The following LIPI variants were observed in gnomAD, a reference collection of about 807,000 sequenced individuals.
LIPI encodes lipase I.
In LIPI, 59 loss-of-function variants were observed where a neutral mutation model predicts 50.6. The observed-to-expected ratio is 1.16, with a 90% CI of 0.94 to 1.45. The LOEUF is 1.45. LIPI is among the 40% of genes most tolerant of loss of function. The pLI is 0.00. For missense variants in LIPI, 586 were observed against 536.3 expected (o/e 1.09, Z -0.92); for synonymous variants, 203 against 178.2 (o/e 1.14, Z -1.11).
At chr21:14,110,986 C>T (rs2123291303) in intron 9 of LIPI, among the ~76,000 whole-genome samples, 1 of 149,040 alleles carries the variant, frequency 6.7e-6, no homozygotes, top group East Asian at 2.0e-4. Context: ...CAGCTTCATC[C>T]ACTATTGAAA....
chr21:14,204,395 A>T (rs1023194915), intron 1 of LIPI, among the ~76,000 whole-genome samples: 3 of 152,120 alleles, frequency 2.0e-5, no homozygotes, highest in East Asian at 3.9e-4. Flanking sequence ...AGAAATTTTT[A>T]AAAATACAGT....
At position 14,163,401 on chromosome 21, in the gene LIPI, AAATTGTT is replaced by A. The variant is rs1294899867; in HGVS notation, c.1006+11_1006+17del. ...AAACTAAAAATTTGTTTATTTGTTA[AAATTGTT>A]AATAACTTACTACAGAATGGATATG... On this transcript the variant is annotated intron_variant, in intron 7 of 9. Coordinates refer to ENST00000681601, the MANE Select transcript of LIPI (RefSeq NM_001302998.2). The A allele has an allele frequency of 3.4e-6, 4 of 1,176,564 alleles. No homozygotes were observed. Among genetic ancestry groups the A allele is most frequent in the Non-Finnish European group, 5.1e-6 (4 of 782,572 alleles). The allele number at this position is 1,176,564 out of a possible 1,614,324, so 72.9% of individuals were successfully genotyped here.
intron 9 of LIPI, among the ~76,000 whole-genome samples, chr21:14,143,187 G>A (rs2017777031): frequency 6.6e-6 from 1 of 152,114 alleles, no homozygotes; most frequent in Non-Finnish European, 1.5e-5. Flanking sequence ...AACAGATACA[G>A]AGATTAGTTG....
intron 1 of LIPI, among the ~76,000 whole-genome samples, chr21:14,201,831 G>A (rs1219884495): frequency 2.0e-5 from 3 of 152,134 alleles, no homozygotes; most frequent in Non-Finnish European, 4.4e-5. Context: ...GGAAGTTCTG[G>A]CCAGGGCAAT....
At chr21:14,127,224 C>A (rs543270985) in intron 9 of LIPI, among the ~76,000 whole-genome samples, 1 of 152,308 alleles carries the variant, frequency 6.6e-6, no homozygotes, top group African/African-American at 2.4e-5. Flanking sequence ...ATTTTTATAA[C>A]TCACATTCCC....
intron 4 of LIPI, among the ~76,000 whole-genome samples, chr21:14,171,019 T>G (rs1255586318): frequency 2.0e-5 from 3 of 151,106 alleles, no homozygotes; most frequent in Admixed American, 6.6e-5. Flanking sequence ...CAGCAAAGTC[T>G]CAGGATACAA....
intron 1 of LIPI, chr21:14,207,022 T>C (rs906199128): frequency 3.7e-6 from 3 of 820,452 alleles, no homozygotes; most frequent in South Asian, 2.7e-5. Context: ...TACGAAACAA[T>C]TGACCCACTT....
chr21:14,108,911 T>C lies in LIPI; in HGVS notation c.*82A>G, dbSNP rs1157520890. ...AATACTTGAATCTCAAATTGAACAG[T>C]GCATTATAAAAGACTGATTGCATTG... On this transcript the variant is annotated 3_prime_UTR_variant, in exon 10 of 10. Transcript: ENST00000681601. 6.5e-7 allele frequency: 1 copy of C among 1,537,452 alleles called. No individual in the cohort carries two copies. Among genetic ancestry groups the C allele is most frequent in the Non-Finnish European group, 9.0e-7 (1 of 1,114,350 alleles).
chr21:14,155,696 C>A (rs946552342), intron 7 of LIPI, among the ~76,000 whole-genome samples: 1 of 151,910 alleles, frequency 6.6e-6, no homozygotes, highest in Admixed American at 6.6e-5. Flanking sequence ...GAAAATACTG[C>A]CAACCTCAAA....
At chr21:14,149,737 T>G (rs1351121546) in intron 8 of LIPI, among the ~76,000 whole-genome samples, 1 of 152,114 alleles carries the variant, frequency 6.6e-6, no homozygotes, top group African/African-American at 2.4e-5. Context: ...GGGCAGTCAT[T>G]AAACCCTAAA....
chr21:14,130,784 G>A (rs907803206), intron 9 of LIPI, among the ~76,000 whole-genome samples: 4 of 149,292 alleles, frequency 2.7e-5, no homozygotes, highest in Admixed American at 6.7e-5. Context: ...CTGTGGGACT[G>A]AGGTCTAGCC....
intron 8 of LIPI, among the ~76,000 whole-genome samples, chr21:14,146,772 ATTTTTTTTTTTTT>A (rs3048482): frequency 1.4e-5 from 1 of 73,372 alleles, no homozygotes; most frequent in African/African-American, 6.1e-5. Flanking sequence ...CCCAGTCTCT[ATTTTTTTTTTTTT>A]TTTTTTTTTT....
At chr21:14,115,769 G>T (rs901569888) in intron 9 of LIPI, among the ~76,000 whole-genome samples, 4 of 152,142 alleles carry the variant, frequency 2.6e-5, no homozygotes, top group Non-Finnish European at 5.9e-5. Flanking sequence ...CCAAGGTAAG[G>T]TTGGTCCCTA....
At chr21:14,115,686 C>T (rs552148995) in intron 9 of LIPI, among the ~76,000 whole-genome samples, 1 of 152,244 alleles carries the variant, frequency 6.6e-6, no homozygotes, top group South Asian at 2.1e-4. Context: ...GGAGCCTTCC[C>T]TTGACAGTGC....
chr21:14,111,259 T>C (rs79490739), intron 9 of LIPI, among the ~76,000 whole-genome samples: 13,500 of 152,048 alleles, frequency 0.089, 946 homozygotes, highest in East Asian at 0.41. Flanking sequence ...GTTATAACTT[T>C]TGTCTTTATG....
chr21:14,162,091 G>A (rs2018518670), intron 7 of LIPI, among the ~76,000 whole-genome samples: 1 of 147,848 alleles, frequency 6.8e-6, no homozygotes, highest in Non-Finnish European at 1.5e-5. Context: ...AGATCAATAT[G>A]TATTGATATA....
At chr21:14,119,216 T>C (rs2016771428) in intron 9 of LIPI, among the ~76,000 whole-genome samples, 1 of 152,160 alleles carries the variant, frequency 6.6e-6, no homozygotes, top group Non-Finnish European at 1.5e-5. Flanking sequence ...GCCTCAGACT[T>C]AAAGGCTTTC....
intron 1 of LIPI, among the ~76,000 whole-genome samples, chr21:14,205,553 C>T (rs1204807831): frequency 6.6e-6 from 1 of 151,680 alleles, no homozygotes; most frequent in Non-Finnish European, 1.5e-5. Flanking sequence ...CATACCTCCC[C>T]CCACACACAC....
At chr21:14,176,221 AAAT>A (rs1219188352) in intron 4 of LIPI, among the ~76,000 whole-genome samples, 1 of 151,782 alleles carries the variant, frequency 6.6e-6, no homozygotes, top group Non-Finnish European at 1.5e-5. Context: ...ATAAATTTTA[AAAT>A]AATAATTAAT....
Sources: allele counts gnomAD v4.1 joint callset (sites outside exome capture counted in the v4.1 genomes callset), GRCh38; gene constraint gnomAD v4.1.1; transcripts MANE v1.5; gene names NCBI Gene and HGNC (gene_info 2026-07-23, HGNC 2026-07-21).